Variants in XPO6 observed in about 807,000 individuals in gnomAD.
XPO6 encodes exportin-6.
XPO6 carries 3 observed loss-of-function variants against 130.0 expected under a neutral mutation model. The observed-to-expected ratio is 0.02, with a 90% confidence interval of 0.01 to 0.06. The LOEUF is 0.06. Ranked by LOEUF, XPO6 falls within the 10% of genes least tolerant of loss-of-function variation. XPO6 has a pLI of 1.00. For missense variants in XPO6, 970 were observed against 1,393.0 expected, an observed-to-expected ratio of 0.70 and a Z score of 4.83; for synonymous variants, 524 against 548.9, an observed-to-expected ratio of 0.95 and a Z score of 0.63.
intron 1 of XPO6, among the ~76,000 whole-genome samples, chr16:28,195,528 G>A (rs543916823): frequency 2.6e-5 from 4 of 152,272 alleles, no homozygotes; most frequent in South Asian, 2.1e-4. Flanking sequence ...TGAGGCGGGC[G>A]GACCACTTGA....
chr16:28,114,199 CAAA>C (rs71389524), intron 15 of XPO6, among the ~76,000 whole-genome samples: 8 of 97,746 alleles, frequency 8.2e-5, no homozygotes, highest in African/African-American at 1.1e-4. Context: ...TACATCCTCA[CAAA>C]AAAAAAAAAA....
chr16:28,146,827 T>G (rs762696111), intron 8 of XPO6, among the ~76,000 whole-genome samples: 1 of 152,212 alleles, frequency 6.6e-6, no homozygotes, highest in Non-Finnish European at 1.5e-5. Flanking sequence ...CAGGTGCTGA[T>G]GTGGAGGAAC....
chr16:28,110,630 C>T (rs1018118146), intron 17 of XPO6, among the ~76,000 whole-genome samples: 2 of 152,228 alleles, frequency 1.3e-5, no homozygotes, highest in Non-Finnish European at 2.9e-5. Flanking sequence ...GACCATTACA[C>T]GTGATAAAGC....
At chr16:28,148,109 G>A (rs1321936617) in intron 8 of XPO6, among the ~76,000 whole-genome samples, 1 of 152,168 alleles carries the variant, frequency 6.6e-6, no homozygotes, top group African/African-American at 2.4e-5. Context: ...CCCCTCAAAA[G>A]AGCACAGCTC....
Position 28,105,982 on chromosome 16 carries a change from C to T in XPO6, c.2784+61G>A, listed in dbSNP as rs1019977853. On this transcript the variant is annotated intron_variant, in intron 20 of 23. Transcript: ENST00000304658. ...AAACACAATACATTTTCTGTGAAAT[C>T]TCATTCCCTTCCCAATCTGGAGATG... 5.1e-6 allele frequency: 8 copies of T among 1,575,304 alleles called. No individual in the cohort carries two copies. The African/African-American group carries it at 8.1e-5, about 16-fold the overall frequency.
chr16:28,195,358 C>T (rs763429551), intron 1 of XPO6, among the ~76,000 whole-genome samples: 3 of 152,134 alleles, frequency 2.0e-5, no homozygotes, highest in Non-Finnish European at 4.4e-5. Flanking sequence ...CTGTAGAACA[C>T]CTACTAACTA....
chr16:28,158,005 A>T (rs754179647), intron 6 of XPO6, among the ~76,000 whole-genome samples: 11 of 152,224 alleles, frequency 7.2e-5, no homozygotes, highest in Non-Finnish European at 1.5e-4. Flanking sequence ...TAGGGAATGC[A>T]GAGTCAGGTA....
chr16:28,124,230 G>C (rs2087331740), intron 13 of XPO6, among the ~76,000 whole-genome samples: 1 of 152,020 alleles, frequency 6.6e-6, no homozygotes, highest in Non-Finnish European at 1.5e-5. Context: ...GCTAATTTTT[G>C]TATTTTTAGT....
intron 8 of XPO6, among the ~76,000 whole-genome samples, chr16:28,146,611 C>T (rs1489620673): frequency 1.3e-5 from 2 of 152,200 alleles, no homozygotes; most frequent in Non-Finnish European, 2.9e-5. Flanking sequence ...CCAGCCAATG[C>T]TCTTTCCATT....
intron 12 of XPO6, among the ~76,000 whole-genome samples, chr16:28,127,593 A>T (rs2042585476): frequency 6.6e-6 from 1 of 152,152 alleles, no homozygotes; most frequent in Non-Finnish European, 1.5e-5. Flanking sequence ...CTGACAGTAA[A>T]CACGGATGGG....
At chr16:28,164,626 T>C (rs2043327659) in intron 6 of XPO6, among the ~76,000 whole-genome samples, 1 of 152,294 alleles carries the variant, frequency 6.6e-6, no homozygotes, top group South Asian at 2.1e-4. Flanking sequence ...AGGCACCACA[T>C]TTTAGGTTTT....
At chr16:28,117,604 G>A (rs908181580) in intron 14 of XPO6, 142 bp from the exon 15 acceptor site, 33 of 1,036,492 alleles carry the variant, frequency 3.2e-5, no homozygotes, top group Admixed American at 1.1e-4. Flanking sequence ...ATCATTTACC[G>A]GTTCACGTAG....
At chr16:28,181,171 T>C in intron 1 of XPO6, 140 bp from the exon 2 acceptor site, 2 of 568,328 alleles carry the variant, frequency 3.5e-6, no homozygotes, top group South Asian at 2.9e-5. Context: ...ATGCATGGTA[T>C]ATGCCAGAAA....
At position 28,101,736 on chromosome 16, in the gene XPO6, G is replaced by A. The variant is rs1184494425; in HGVS notation, c.3046-48C>T. The A allele has an allele frequency of 2.5e-6, 4 of 1,585,172 alleles. No individual in the cohort carries two copies. Among genetic ancestry groups the A allele is most frequent in the Non-Finnish European group, 2.6e-6 (3 of 1,161,978 alleles). On this transcript the variant is annotated intron_variant, in intron 22 of 23. Transcript: ENST00000304658. The surrounding 1 kb of genome is among the most constrained non-coding windows in gnomAD (Gnocchi z 5.4). ...AGCAGCAGCCAGCCCCCAGGGGCCT[G>A]TCCCGGGTCCCATCCACTTTCTGTC...
chr16:28,145,359 C>T (rs2042965247), intron 9 of XPO6, among the ~76,000 whole-genome samples: 1 of 152,142 alleles, frequency 6.6e-6, no homozygotes, highest in Non-Finnish European at 1.5e-5. Context: ...TTCCCCTCCT[C>T]TTCTCCCCAC....
At chr16:28,139,018 T>C (rs998018215) in intron 9 of XPO6, among the ~76,000 whole-genome samples, 3 of 152,206 alleles carry the variant, frequency 2.0e-5, no homozygotes, top group African/African-American at 7.2e-5. Context: ...TCCATGAGGT[T>C]CCTCTATGGT....
rs192722629 is a variant in XPO6, at chr16:28,200,469, A to C, written c.3+10897T>G. Among the ~76,000 whole-genome samples the C allele has an allele frequency of 9.9e-5, 15 of 151,890 alleles. No individual in the cohort carries two copies. The East Asian group carries it at 2.7e-3, about 27-fold the overall frequency. ...CCAGCTACCACTGTGCCCTCAAGTCATACTACTTTTTCTTTCTTTCTTTTT... is the reference window on the plus strand; with the variant it reads ...CCAGCTACCACTGTGCCCTCAAGTCCTACTACTTTTTCTTTCTTTCTTTTT... On this transcript the variant is annotated intron_variant, in intron 1 of 23. Transcript: ENST00000304658.
chr16:28,197,760 CA>C (rs1017971237), intron 1 of XPO6, among the ~76,000 whole-genome samples: 1 of 149,434 alleles, frequency 6.7e-6, no homozygotes. Flanking sequence ...ACTAAAAATA[CA>C]AAAAAAAATT....
chr16:28,208,098 A>T (rs2044062789), intron 1 of XPO6, among the ~76,000 whole-genome samples: 1 of 152,126 alleles, frequency 6.6e-6, no homozygotes, highest in African/African-American at 2.4e-5. Flanking sequence ...GTGATCCAAG[A>T]TCATGCCACT....
Sources: gnomAD v4.1 joint callset for allele counts (sites outside exome capture counted in the v4.1 genomes callset) on GRCh38, gnomAD v4.1.1 for gene constraint, Gnocchi (gnomAD v3.1) non-coding constraint, MANE v1.5 for transcripts, NCBI Gene and HGNC (gene_info 2026-07-23, HGNC 2026-07-21) for gene names.